The following TMEM8B variants were observed in gnomAD, a reference collection of about 807,000 sequenced individuals.
TMEM8B encodes the protein transmembrane protein 8B, also known as nasopharyngeal carcinoma expressed 6.
A neutral mutation model predicts 49.3 loss-of-function variants in TMEM8B; 29 were observed. The observed-to-expected ratio is 0.59, with a 90% CI of 0.44 to 0.80. The LOEUF (loss-of-function observed/expected upper bound fraction) is 0.80. Ranked by LOEUF, TMEM8B falls within the 30% of genes least tolerant of loss-of-function variation. TMEM8B has a pLI of 0.00. For missense variants in TMEM8B, 575 were observed against 658.5 expected (o/e 0.87, Z 1.39); for synonymous variants, 264 against 272.8 (o/e 0.97, Z 0.32).
chr9:35,832,443 C>A (rs978237546), intron 1 of TMEM8B, among the ~76,000 whole-genome samples: 1 of 152,132 alleles, frequency 6.6e-6, no homozygotes, highest in Non-Finnish European at 1.5e-5. Context: ...GCATTCCCAG[C>A]TGCTGCTCAC....
chr9:35,846,661 G>T, intron 9 of TMEM8B, 50 bp downstream of exon 9: 1 of 1,563,722 alleles, frequency 6.4e-7, no homozygotes, highest in Non-Finnish European at 8.7e-7. Context: ...AGGTGGACCT[G>T]CTGGGCCTGT....
intron 6 of TMEM8B, among the ~76,000 whole-genome samples, chr9:35,843,262 A>G (rs1831200508): frequency 6.6e-6 from 1 of 152,220 alleles, no homozygotes; most frequent in African/African-American, 2.4e-5. Context: ...GGTTGAGCAG[A>G]AAGCACAAAG....
Position 35,846,398 on chromosome 9 carries a change from G to A in TMEM8B, c.1853+17G>A, listed in dbSNP as rs1564034479. On this transcript the variant is annotated intron_variant, in intron 8 of 12. Coordinates refer to ENST00000643932, the MANE Select transcript of TMEM8B (RefSeq NM_001042590.4). ...GGGGCCTCGGTGAGCGGTGCGGGGC[G>A]GGGCCAGGGCTGGGACCGGGACTTG... 1.2e-6 allele frequency: 2 copies of A among 1,607,860 alleles called. No individual in the cohort carries two copies.
rs1042165311 is a variant in TMEM8B at position 35,846,513 on chromosome 9, C to T, written c.1898C>T (p.Thr633Ile). Residue 633 changes from threonine (T) to isoleucine (I), a missense_variant, in exon 9 of 13, where the codon ACC (threonine) becomes ATC (isoleucine). Thr to Ile is a moderately conservative substitution (Grantham distance 89). Coordinates refer to ENST00000643932, the MANE Select transcript of TMEM8B (RefSeq NM_001042590.4). ...GCGACGGCCGAGGTGCGGATGCGCA[C>T]CTTCCTGTCCCCATGCGTGGACGAC... ...RNATAEVRMR[T>I]FLSPCVDDCG... The T allele has an allele frequency of 5.7e-6, 9 of 1,592,642 alleles. No individual in the cohort carries two copies. The African/African-American group carries it at 6.7e-5, about 12-fold the overall frequency.
Position 35,856,437 on chromosome 9 carries a change from G to A in TMEM8B, c.*2597G>A, listed in dbSNP as rs10758328. The A allele has an allele frequency of 0.42, 63,750 of 151,938 alleles. 13,826 individuals carry two copies. The highest frequency in any genetic ancestry group is 0.53 in the Middle Eastern group (155 of 294). The allele number at this position is 151,938 out of a possible 1,614,324, so 9.4% of individuals were successfully genotyped here. A position where few individuals can be genotyped will look rare whatever the true frequency, so the allele number is the denominator to read the frequency against. ...TTGTGTGTGGAGTGGGGTGGTGGAG[G>A]TAAGCAGCCAATGATATGATTAGAT... On this transcript the variant is annotated 3_prime_UTR_variant, in exon 13 of 13. Coordinates refer to ENST00000643932, the MANE Select transcript of TMEM8B (RefSeq NM_001042590.4).
In TMEM8B at chr9:35,863,190, T is replaced by G. The variant is rs1313347041; in HGVS notation, c.*9350T>G. 1 of 152,320 alleles carries G rather than the reference T, an allele frequency of 6.6e-6. No individual in the cohort carries two copies. Among genetic ancestry groups the G allele is most frequent in the Non-Finnish European group, 1.5e-5 (1 of 68,144 alleles). The allele number at this position is 152,320 out of a possible 1,614,324, so 9.4% of individuals were successfully genotyped here. On this transcript the variant is annotated 3_prime_UTR_variant, in exon 13 of 13. Coordinates refer to ENST00000643932, the MANE Select transcript of TMEM8B (RefSeq NM_001042590.4). ...ACGAAGAACGCTGAACCCAAGGTCT[T>G]GCCTCAAAATCAATTCCCCCTTCCC... is the stretch of plus-strand genomic sequence containing the variant.
At chr9:35,831,309 C>G (rs1173463781) in intron 1 of TMEM8B, among the ~76,000 whole-genome samples, 4 of 152,114 alleles carry the variant, frequency 2.6e-5, no homozygotes, top group Non-Finnish European at 5.9e-5. Context: ...GGGGAGGGGA[C>G]ATGTTGTGGC....
intron 10 of TMEM8B, among the ~76,000 whole-genome samples, chr9:35,851,286 G>A (rs759545901): frequency 1.1e-4 from 15 of 133,502 alleles, no homozygotes; most frequent in Non-Finnish European, 2.0e-4. Flanking sequence ...TGGGACTATA[G>A]GCACACGCTA....
chr9:35,851,479 A>G (rs1832130046), intron 10 of TMEM8B, among the ~76,000 whole-genome samples: 1 of 152,248 alleles, frequency 6.6e-6, no homozygotes, highest in South Asian at 2.1e-4. Flanking sequence ...ATATGGACCT[A>G]CATGAAAAGT....
chr9:35,855,139 C>T lies in TMEM8B; in HGVS notation c.*1299C>T, dbSNP rs1043701049. ...GCCACTTCTGGGCCATATGTGGAGA[C>T]CCGTAAAGTTGTCTAAGGCCTTGGC... is the stretch of plus-strand genomic sequence containing the variant. On this transcript the variant is annotated 3_prime_UTR_variant, in exon 13 of 13. Transcript: ENST00000643932. 1 of 152,172 alleles carries T rather than the reference C, an allele frequency of 6.6e-6. No individual in the cohort carries two copies. The highest frequency in any genetic ancestry group is 2.4e-5 in the African/African-American group (1 of 41,420). The allele number at this position is 152,172 out of a possible 1,614,324, so 9.4% of individuals were successfully genotyped here. A position where few individuals can be genotyped will look rare whatever the true frequency, so the allele number is the denominator to read the frequency against.
rs867666685 is a variant in TMEM8B, at chr9:35,861,033, G to A, written c.*7193G>A. ...TGTTAGAACTGGAAAAATGTCTTAT[G>A]GCCAGGTGGCCCCTGGTCTGAAGGA... On this transcript the variant is annotated 3_prime_UTR_variant, in exon 13 of 13. Transcript: ENST00000643932. The A allele has an allele frequency of 2.6e-5, 4 of 152,218 alleles. No homozygotes were observed. The highest frequency in any genetic ancestry group is 9.7e-5 in the African/African-American group (4 of 41,438). The allele number at this position is 152,218 out of a possible 1,614,324, so 9.4% of individuals were successfully genotyped here. A position where few individuals can be genotyped will look rare whatever the true frequency, so the allele number is the denominator to read the frequency against.
rs1252772458 is a variant in TMEM8B, at chr9:35,842,144, C to A, written c.1310-248C>A. ...AGCCTCTCATACTTAGTATCTGTTTCAATAGTGTCTTCAATGCCTTTAGGG... is the reference window on the plus strand; with the variant it reads ...AGCCTCTCATACTTAGTATCTGTTTAAATAGTGTCTTCAATGCCTTTAGGG... On this transcript the variant is annotated intron_variant, in intron 5 of 12. Coordinates refer to ENST00000643932, the MANE Select transcript of TMEM8B (RefSeq NM_001042590.4). This position sits in a 1 kb window ranked among gnomAD's most constrained non-coding sequence, Gnocchi z 5.6. Among the ~76,000 whole-genome samples the A allele has an allele frequency of 6.6e-6, 1 of 152,152 alleles. No individual in the cohort carries two copies. Among genetic ancestry groups the A allele is most frequent in the Non-Finnish European group, 1.5e-5 (1 of 68,016 alleles).
intron 8 of TMEM8B, 32 bp from the exon 9 acceptor site, chr9:35,846,437 G>A (rs747066310): frequency 1.9e-6 from 3 of 1,595,754 alleles, no homozygotes; most frequent in Non-Finnish European, 2.6e-6. Flanking sequence ...GGGGTGGCCC[G>A]GGGCCCCAGG....
chr9:35,839,677 C>T (rs999269642), intron 3 of TMEM8B, among the ~76,000 whole-genome samples: 15 of 152,290 alleles, frequency 9.8e-5, no homozygotes, highest in Middle Eastern at 3.4e-3. Flanking sequence ...AGCATGAGCC[C>T]CCACCCTTGG....
chr9:35,846,901 G>C lies in TMEM8B; in HGVS notation c.2081G>C (p.Ser694Thr). ...CTGTCCACACTCCTGCTCTGCCTGAGCAACCTCATGTTTCTGCCACCTGTG... is the reference window on the plus strand; with the variant it reads ...CTGTCCACACTCCTGCTCTGCCTGACCAACCTCATGTTTCTGCCACCTGTG... ...QLLSTLLLCL[S>T]NLMFLPPVVL... is the part of the protein sequence containing the mutation. Residue 694 changes from serine (S) to threonine (T), a missense_variant, in exon 10 of 13, where the codon AGC (serine) becomes ACC (threonine). Transcript: ENST00000643932. 6.2e-7 allele frequency: 1 copy of C among 1,614,230 alleles called. No individual in the cohort carries two copies. The highest frequency in any genetic ancestry group is 8.5e-7 in the Non-Finnish European group (1 of 1,180,042).
chr9:35,848,300 A>G (rs538691887), intron 10 of TMEM8B, among the ~76,000 whole-genome samples: 12 of 152,244 alleles, frequency 7.9e-5, no homozygotes, highest in African/African-American at 2.9e-4. Context: ...ACAGTGCCTC[A>G]TTCTATTTTT....
chr9:35,862,155 T>G lies in TMEM8B; in HGVS notation c.*8315T>G, dbSNP rs1244488966. On this transcript the variant is annotated 3_prime_UTR_variant, in exon 13 of 13. Coordinates refer to ENST00000643932, the MANE Select transcript of TMEM8B (RefSeq NM_001042590.4). ...ACTATGTGTTAGGCCCTGGGCCAGG[T>G]GCTGGGAATACAGCAGAGACAGACC... The G allele has an allele frequency of 6.6e-6, 1 of 152,360 alleles. No individual in the cohort carries two copies. The highest frequency in any genetic ancestry group is 1.9e-4 in the East Asian group (1 of 5,180). 9.4% of individuals were successfully genotyped at this position (152,360 alleles called of 1,614,324 possible).
chr9:35,845,433 A>T lies in TMEM8B; in HGVS notation c.1636-542A>T, dbSNP rs147887982. 7.5e-4 allele frequency: 735 copies of T among 985,260 alleles called. 3 individuals carry two copies. In the African/African-American group the frequency reaches 8.9e-3, roughly 12 times the overall value. 61.0% of individuals were successfully genotyped at this position (985,260 alleles called of 1,614,324 possible). On this transcript the variant is annotated intron_variant, in intron 6 of 12. Transcript: ENST00000643932. ...TTCTTGTAGACAACACCTTACATTT[A>T]CTCTTGCAGATATCTGGTTTCTTTT...
rs1416624966 is a variant in TMEM8B at position 35,837,816 on chromosome 9, C to T, written c.906+2598C>T. Among the ~76,000 whole-genome samples the T allele has an allele frequency of 2.0e-5, 3 of 152,074 alleles. No individual in the cohort carries two copies. The South Asian group carries it at 6.2e-4, about 32-fold the overall frequency. On this transcript the variant is annotated intron_variant, in intron 3 of 12. Transcript: ENST00000643932. ...CCCCGGCCTCCATCTCCTTGCCTTT[C>T]CTGTTTTGGATCGTGTGTTCATTCT...
Sources: allele counts gnomAD v4.1 joint callset (sites outside exome capture counted in the v4.1 genomes callset), GRCh38; gene constraint gnomAD v4.1.1; non-coding constraint Gnocchi (gnomAD v3.1); transcripts MANE v1.5; gene names NCBI Gene and HGNC (gene_info 2026-07-23, HGNC 2026-07-21).